The following LPAR6 variants were observed in gnomAD, a reference collection of about 807,000 sequenced individuals.
LPAR6 encodes the protein lysophosphatidic acid receptor 6.
Under a neutral mutation model 22.0 loss-of-function variants are expected in LPAR6, and 17 were observed. The observed-to-expected ratio is 0.77, with a 90% CI of 0.53 to 1.16. The LOEUF (loss-of-function observed/expected upper bound fraction) is 1.16. Among genes scored for constraint, LPAR6 ranks in the 50% most tolerant of loss-of-function variants. The probability of loss-of-function intolerance (pLI) is 0.00; values close to 1 mark genes in which losing one functional copy is unlikely to be tolerated. For missense variants in LPAR6, 384 were observed against 406.9 expected (o/e 0.94, Z 0.48); for synonymous variants, 136 against 139.8 (o/e 0.97, Z 0.19).
At chr13:48,440,042 A>G (rs2138303203) in intron 1 of LPAR6, among the ~76,000 whole-genome samples, 1 of 152,288 alleles carries the variant, frequency 6.6e-6, no homozygotes, top group South Asian at 2.1e-4. Flanking sequence ...GGAAGGAGAT[A>G]GAATAGTAGG....
At chr13:48,406,098 C>G (rs374764631), downstream of LPAR6, among the ~76,000 whole-genome samples, 1 of 150,044 alleles carries the variant, frequency 6.7e-6, no homozygotes. Context: ...ATAAATAACT[C>G]TGTGTGTGTG....
At chr13:48,423,815 C>T (rs1180328846) in intron 1 of LPAR6, among the ~76,000 whole-genome samples, 4 of 152,172 alleles carry the variant, frequency 2.6e-5, no homozygotes. Flanking sequence ...GAGGCTGAGA[C>T]AAGAGGATCA....
At chr13:48,395,308 G>A (rs538505119) in intron 1 of LPAR6, among the ~76,000 whole-genome samples, 28 of 152,206 alleles carry the variant, frequency 1.8e-4, no homozygotes, top group African/African-American at 6.0e-4. Flanking sequence ...GCACAAAAAG[G>A]CTGAAAATTC....
chr13:48,414,168 C>T (rs376905018), upstream of LPAR6, among the ~76,000 whole-genome samples: 9 of 151,908 alleles, frequency 5.9e-5, no homozygotes, highest in East Asian at 1.2e-3. Context: ...GCCAAAATGG[C>T]GAAACCCCAT....
intron 2 of LPAR6, among the ~76,000 whole-genome samples, chr13:48,421,014 T>C (rs956167770): frequency 6.6e-6 from 1 of 152,194 alleles, no homozygotes; most frequent in African/African-American, 2.4e-5. Context: ...TTGACTTCCT[T>C]TATAAAATTA....
intron 1 of LPAR6, among the ~76,000 whole-genome samples, chr13:48,433,971 G>A (rs1381625316): frequency 6.6e-6 from 1 of 151,586 alleles, no homozygotes; most frequent in African/African-American, 2.4e-5. Flanking sequence ...TTATTCTCCT[G>A]CCTTAGCCTC....
upstream of LPAR6, chr13:48,416,260 A>AGG (rs149544736): frequency 6.0e-4 from 92 of 152,290 alleles, 1 homozygote; most frequent in African/African-American, 2.2e-3. Flanking sequence ...CTGGTCAGAC[A>AGG]GGGGGTGCAG....
At chr13:48,431,558 G>A (rs760452770), upstream of LPAR6, among the ~76,000 whole-genome samples, 2 of 152,126 alleles carry the variant, frequency 1.3e-5, no homozygotes, top group Non-Finnish European at 2.9e-5. Flanking sequence ...AATTTCTGTG[G>A]TTACTTTTTT....
At chr13:48,398,516 A>AT (rs574740963) in intron 1 of LPAR6, among the ~76,000 whole-genome samples, 7 of 151,188 alleles carry the variant, frequency 4.6e-5, no homozygotes, top group South Asian at 2.1e-4. Context: ...GAGTCCTGTA[A>AT]TTTTTTTTTA....
chr13:48,433,807 C>G (rs545802434), intron 1 of LPAR6, among the ~76,000 whole-genome samples: 2 of 151,644 alleles, frequency 1.3e-5, no homozygotes, highest in Non-Finnish European at 2.9e-5. Flanking sequence ...CATTCATCAT[C>G]TTTGAATTAG....
At chr13:48,395,425 C>A (rs1948640371) in intron 1 of LPAR6, among the ~76,000 whole-genome samples, 1 of 152,088 alleles carries the variant, frequency 6.6e-6, no homozygotes, top group Non-Finnish European at 1.5e-5. Flanking sequence ...TAATAACAAA[C>A]TCCTCCGAGC....
At chr13:48,429,939 G>C (rs932221726), upstream of LPAR6, among the ~76,000 whole-genome samples, 5 of 152,142 alleles carry the variant, frequency 3.3e-5, no homozygotes, top group African/African-American at 1.2e-4. Context: ...ACATGTGCCA[G>C]GCAGTTTTTC....
chr13:48,393,632 A>G (rs1948626983), intron 1 of LPAR6, among the ~76,000 whole-genome samples: 1 of 152,220 alleles, frequency 6.6e-6, no homozygotes, highest in African/African-American at 2.4e-5. Context: ...TGAAATATGT[A>G]CACTTACAGA....
chr13:48,403,784 A>C (rs1005750312), intron 1 of LPAR6, among the ~76,000 whole-genome samples: 2 of 152,056 alleles, frequency 1.3e-5, no homozygotes, highest in East Asian at 3.9e-4. Flanking sequence ...TGGGTACTAC[A>C]CTTTGTGAGC....
intron 1 of LPAR6, among the ~76,000 whole-genome samples, chr13:48,395,064 T>G (rs1218465630): frequency 7.2e-6 from 1 of 139,682 alleles, no homozygotes; most frequent in Non-Finnish European, 1.6e-5. Context: ...GGCAGCAATC[T>G]TTGCTCTTCT....
intron 1 of LPAR6, among the ~76,000 whole-genome samples, chr13:48,405,850 C>T (rs1305599278): frequency 1.3e-5 from 2 of 151,978 alleles, no homozygotes; most frequent in East Asian, 1.9e-4. Context: ...CAGGTATGCA[C>T]GTTTTATTTT....
At chr13:48,410,247 A>G (rs1265958719), downstream of LPAR6, among the ~76,000 whole-genome samples, 1 of 152,140 alleles carries the variant, frequency 6.6e-6, no homozygotes, top group African/African-American at 2.4e-5. Flanking sequence ...ATCATACTAT[A>G]TTTTTACTGT....
intron 1 of LPAR6, among the ~76,000 whole-genome samples, chr13:48,405,529 A>C (rs1298788384): frequency 2.0e-5 from 3 of 152,176 alleles, no homozygotes; most frequent in African/African-American, 7.2e-5. Flanking sequence ...CACAGACCAT[A>C]AATTTTGTTT....
At chr13:48,402,308 T>C (rs1032534015) in intron 1 of LPAR6, among the ~76,000 whole-genome samples, 2 of 151,496 alleles carry the variant, frequency 1.3e-5, no homozygotes, top group African/African-American at 4.8e-5. Context: ...GTTTGCACAT[T>C]TCAGTTCCAA....
Sources: gnomAD v4.1 joint callset for allele counts (sites outside exome capture counted in the v4.1 genomes callset) on GRCh38, gnomAD v4.1.1 for gene constraint, MANE v1.5 for transcripts, NCBI Gene and HGNC (gene_info 2026-07-23, HGNC 2026-07-21) for gene names.